Variants in PIGZ observed in about 807,000 individuals in gnomAD.
PIGZ encodes the protein GPI alpha-1,2-mannosyltransferase 4.
Under a neutral mutation model 16.4 loss-of-function variants are expected in PIGZ, and 16 were observed. The ratio of observed to expected loss-of-function variants is 0.97; its 90% CI spans 0.66 to 1.48. The LOEUF is 1.48. Among genes scored for constraint, PIGZ ranks in the 40% most tolerant of loss-of-function variants. The probability of loss-of-function intolerance (pLI) is 0.00; values close to 1 mark genes in which losing one functional copy is unlikely to be tolerated. For missense variants in PIGZ, 770 were observed against 739.2 expected, an observed-to-expected ratio of 1.04 and a Z score of -0.48; for synonymous variants, 409 against 338.4, an observed-to-expected ratio of 1.21 and a Z score of -2.29.
At chr3:196,957,767 G>A (rs1260274496) in intron 1 of PIGZ, among the ~76,000 whole-genome samples, 1 of 152,162 alleles carries the variant, frequency 6.6e-6, no homozygotes, top group Admixed American at 6.6e-5. Flanking sequence ...GCTTCCCTCC[G>A]GGTGGGCAGT....
At position 196,948,563 on chromosome 3, in the gene PIGZ, C is replaced by G; in HGVS notation, c.334G>C (p.Glu112Gln). 1.3e-6 allele frequency: 2 copies of G among 1,596,402 alleles called. No homozygotes were observed. The highest frequency in any genetic ancestry group is 1.7e-6 in the Non-Finnish European group (2 of 1,172,164). ...STFWLLRLWE[E>Q]LGPWPGLVSG... ...ACCAGGCCAGGCCACGGCCCCAGCT[C>G]CTCCCAGAGCCTGAGCAGCCAGAAG... The change falls in exon 3 of 3, where the codon GAG (glutamate) becomes CAG (glutamine). Residue 112 changes from glutamate (E) to glutamine (Q), a missense_variant. Glu to Gln is a conservative substitution (Grantham distance 29). Transcript: ENST00000412723.
chr3:196,953,771 T>G (rs192005433), intron 1 of PIGZ, among the ~76,000 whole-genome samples: 108 of 150,690 alleles, frequency 7.2e-4, no homozygotes, highest in African/African-American at 2.5e-3. Flanking sequence ...GAGGCTGAGA[T>G]GAAAGGATCG....
chr3:196,950,957 A>G (rs1577885334), intron 2 of PIGZ, among the ~76,000 whole-genome samples: 1 of 151,818 alleles, frequency 6.6e-6, no homozygotes, highest in East Asian at 1.9e-4. Context: ...TTTTGGCCAG[A>G]CTGGTCTCAA....
intron 2 of PIGZ, among the ~76,000 whole-genome samples, chr3:196,950,936 G>C (rs1184318943): frequency 6.6e-6 from 1 of 151,950 alleles, no homozygotes; most frequent in Non-Finnish European, 1.5e-5. Context: ...AATAGAGATG[G>C]GGTTTCATCA....
At position 196,946,977 on chromosome 3, in the gene PIGZ, G is replaced by A; in HGVS notation, c.*180C>T. The A allele has an allele frequency of 1.8e-6, 1 of 552,278 alleles. No homozygotes were observed. Among genetic ancestry groups the A allele is most frequent in the South Asian group, 3.1e-5 (1 of 32,542 alleles). The allele number at this position is 552,278 out of a possible 1,614,324, so 34.2% of individuals were successfully genotyped here. Reference sequence around the variant, plus strand: ...CAGGTCAAATCTTTGGTCTCAGGGAGAAGAGTGCCAGCTCACCCAGAAGGC... The same window carrying A: ...CAGGTCAAATCTTTGGTCTCAGGGAAAAGAGTGCCAGCTCACCCAGAAGGC... On this transcript the variant is annotated 3_prime_UTR_variant, in exon 3 of 3. Transcript: ENST00000412723.
Position 196,946,987 on chromosome 3 carries a change from A to G in PIGZ, c.*170T>C. 6 of 576,330 alleles carry G rather than the reference A, an allele frequency of 1.0e-5. No homozygotes were observed. The highest frequency in any genetic ancestry group is 1.8e-5 in the Non-Finnish European group (6 of 338,240). The allele number at this position is 576,330 out of a possible 1,614,324, so 35.7% of individuals were successfully genotyped here. A position where few individuals can be genotyped will look rare whatever the true frequency, so the allele number is the denominator to read the frequency against. On this transcript the variant is annotated 3_prime_UTR_variant, in exon 3 of 3. Coordinates refer to ENST00000412723, the MANE Select transcript of PIGZ (RefSeq NM_025163.4). ...CTTTGGTCTCAGGGAGAAGAGTGCC[A>G]GCTCACCCAGAAGGCAGAACAGCTA...
chr3:196,947,878 C>T lies in PIGZ; in HGVS notation c.1019G>A (p.Arg340Gln), dbSNP rs4916589. ...AGAGGCCTGGAGGCCGACTTGCAGCCGTTGCCACGCAGCCTGCAGGGCCTG... is the reference window on the plus strand; with the variant it reads ...AGAGGCCTGGAGGCCGACTTGCAGCTGTTGCCACGCAGCCTGCAGGGCCTG... ...HAQALQAAWQ[R>Q]LQVGLQASAQ... Residue 340 changes from arginine to glutamine, a missense_variant, in exon 3 of 3, where the codon CGG (arginine) becomes CAG (glutamine). Arg to Gln is a conservative substitution (Grantham distance 43, BLOSUM62 1). Coordinates refer to ENST00000412723, the MANE Select transcript of PIGZ (RefSeq NM_025163.4). 950,355 of 1,613,494 alleles carry T rather than the reference C, an allele frequency of 0.59. 282,668 individuals carry two copies. The highest frequency in any genetic ancestry group is 0.82 in the East Asian group (36,737 of 44,870).
chr3:196,963,320 A>C (rs335823), intron 1 of PIGZ, among the ~76,000 whole-genome samples: 1 of 152,036 alleles, frequency 6.6e-6, no homozygotes, highest in African/African-American at 2.4e-5. Flanking sequence ...GTATATACGT[A>C]AAGTCCCTGC....
rs1224749201 is a variant in PIGZ, at chr3:196,965,364, ACTAT to A, written c.-1+3319_-1+3322del. Among the ~76,000 whole-genome samples the A allele has an allele frequency of 6.6e-6, 1 of 152,084 alleles. No homozygotes were observed. Among genetic ancestry groups the A allele is most frequent in the South Asian group, 2.1e-4 (1 of 4,824 alleles). ...CATCAGATCTCATGAGAACTCCCTAACTATCCGAAGAACAGCGTGGGGGAAACCA... is the reference window on the plus strand; with the variant it reads ...CATCAGATCTCATGAGAACTCCCTAACCGAAGAACAGCGTGGGGGAAACCA... On this transcript the variant is annotated intron_variant, in intron 1 of 2. Coordinates refer to ENST00000412723, the MANE Select transcript of PIGZ (RefSeq NM_025163.4). The surrounding 1 kb of genome is among the most constrained non-coding windows in gnomAD (Gnocchi z 4.2).
In PIGZ at chr3:196,965,536, CCCT is replaced by C. The variant is rs534442412; in HGVS notation, c.-1+3148_-1+3150del. Among the ~76,000 whole-genome samples the C allele has an allele frequency of 1.3e-5, 2 of 152,190 alleles. No individual in the cohort carries two copies. Among genetic ancestry groups the C allele is most frequent in the Non-Finnish European group, 2.9e-5 (2 of 68,040 alleles). The stretch of plus-strand genomic sequence containing the variant: ...TAGTCCAGAATCCCACGGGCTATCT[CCCT>C]CCTCCTTTGTCCCTGCACTACGTAA... On this transcript the variant is annotated intron_variant, in intron 1 of 2. Coordinates refer to ENST00000412723, the MANE Select transcript of PIGZ (RefSeq NM_025163.4). This position sits in a 1 kb window ranked among gnomAD's most constrained non-coding sequence, Gnocchi z 4.2.
At chr3:196,967,608 G>C (rs1717983812) in intron 1 of PIGZ, among the ~76,000 whole-genome samples, 2 of 152,182 alleles carry the variant, frequency 1.3e-5, no homozygotes, top group Non-Finnish European at 1.5e-5. Context: ...CAAGGTGAGA[G>C]TGGCTCTCCA....
chr3:196,952,115 A>G, intron 1 of PIGZ, 84 bp from the exon 2 acceptor site: 4 of 1,270,274 alleles, frequency 3.1e-6, no homozygotes, highest in South Asian at 1.3e-5. Context: ...TGGATCTGTC[A>G]TTTAATAAAA....
In PIGZ at chr3:196,948,559, A is replaced by G; in HGVS notation, c.338T>C (p.Leu113Pro). The G allele has an allele frequency of 6.3e-7, 1 of 1,599,500 alleles. No individual in the cohort carries two copies. The highest frequency in any genetic ancestry group is 8.5e-7 in the Non-Finnish European group (1 of 1,173,532). The change falls in exon 3 of 3, where the codon CTG (leucine) becomes CCG (proline). Residue 113 changes from leucine (L) to proline (P), a missense_variant. Coordinates refer to ENST00000412723, the MANE Select transcript of PIGZ (RefSeq NM_025163.4). ...TFWLLRLWEELGPWPGLVSGY... is the reference protein window; with the variant it reads ...TFWLLRLWEEPGPWPGLVSGY... ...GCTCACCAGGCCAGGCCACGGCCCC[A>G]GCTCCTCCCAGAGCCTGAGCAGCCA...
Position 196,948,187 on chromosome 3 carries a change from G to C in PIGZ, c.710C>G (p.Pro237Arg). ...RPTFLAFAVV[P>R]LYLWGTRGAT... The stretch of plus-strand genomic sequence containing the variant: ...TCCACGAGTGCCCCAGAGGTAGAGG[G>C]GGACCACAGCAAAGGCCAGAAAGGT... Residue 237 changes from proline to arginine, a missense_variant, in exon 3 of 3, where the codon CCC (proline) becomes CGC (arginine). Physicochemically the swap from Pro to Arg is moderately radical, Grantham distance 103 (BLOSUM62 -2). Transcript: ENST00000412723. 6.2e-7 allele frequency: 1 copy of C among 1,614,108 alleles called. No homozygotes were observed. Among genetic ancestry groups the C allele is most frequent in the Non-Finnish European group, 8.5e-7 (1 of 1,179,996 alleles).
chr3:196,950,744 C>CTT lies in PIGZ; in HGVS notation c.211+1075_211+1076dup, dbSNP rs35150164. ...ATCTATTCCCTCCTCCTTCATTAGA[C>CTT]TTTTTTTTTTCTTTTTTTGAGATGG... On this transcript the variant is annotated intron_variant, in intron 2 of 2. Coordinates refer to ENST00000412723, the MANE Select transcript of PIGZ (RefSeq NM_025163.4). Among the ~76,000 whole-genome samples, 645 of 145,568 alleles carry CTT rather than the reference C, an allele frequency of 4.4e-3. 19 individuals are homozygous for CTT. Among genetic ancestry groups the CTT allele is most frequent in the Middle Eastern group, 0.026 (7 of 274 alleles).
At chr3:196,953,585 C>A (rs899776353) in intron 1 of PIGZ, among the ~76,000 whole-genome samples, 1 of 152,224 alleles carries the variant, frequency 6.6e-6, no homozygotes, top group Non-Finnish European at 1.5e-5. Context: ...CATGCTGGAT[C>A]TGTAAGTCCA....
rs1167980040 is a variant in PIGZ, at chr3:196,965,953, G to A, written c.-1+2734C>T. Among the ~76,000 whole-genome samples the A allele has an allele frequency of 6.6e-6, 1 of 152,106 alleles. No homozygotes were observed. Among genetic ancestry groups the A allele is most frequent in the Admixed American group, 6.6e-5 (1 of 15,250 alleles). On this transcript the variant is annotated intron_variant, in intron 1 of 2. Transcript: ENST00000412723. This position sits in a 1 kb window ranked among gnomAD's most constrained non-coding sequence, Gnocchi z 4.2. ...ACTCCCCTGTGAGAAACCTCTGGAT[G>A]GGGGGCCATCCCCTCACCACCCTGA...
At chr3:196,957,787 C>G (rs1399066900) in intron 1 of PIGZ, among the ~76,000 whole-genome samples, 3 of 152,186 alleles carry the variant, frequency 2.0e-5, no homozygotes, top group African/African-American at 7.2e-5. Flanking sequence ...TAAGCTTTAT[C>G]TTCTGTCCTG....
chr3:196,962,208 G>A (rs1210362124), intron 1 of PIGZ, among the ~76,000 whole-genome samples: 1 of 152,204 alleles, frequency 6.6e-6, no homozygotes, highest in Admixed American at 6.5e-5. Context: ...GCGCTGTATT[G>A]ACTCAAGGTT....
Sources: gnomAD v4.1 joint callset for allele counts (sites outside exome capture counted in the v4.1 genomes callset) on GRCh38, gnomAD v4.1.1 for gene constraint, Gnocchi (gnomAD v3.1) non-coding constraint, MANE v1.5 for transcripts, NCBI Gene and HGNC (gene_info 2026-07-23, HGNC 2026-07-21) for gene names.